The following CCDC146 variants were observed in gnomAD, a reference collection of about 807,000 sequenced individuals.
The protein encoded by CCDC146 is coiled-coil domain-containing protein 146.
A neutral mutation model predicts 119.3 loss-of-function variants in CCDC146; 92 were observed. That is an observed-to-expected ratio of 0.77 (90% CI 0.65 to 0.92). CCDC146 has a LOEUF of 0.92. Among genes scored for constraint, CCDC146 ranks in the 40% least tolerant of loss-of-function variants. The probability of loss-of-function intolerance (pLI) is 0.00; values close to 1 mark genes in which losing one functional copy is unlikely to be tolerated. For synonymous variants in CCDC146, 372 were observed against 371.8 expected, an observed-to-expected ratio of 1.00 and a Z score of -0.01; for missense variants, 1,000 against 1,103.0, an observed-to-expected ratio of 0.91 and a Z score of 1.32.
intron 1 of CCDC146, among the ~76,000 whole-genome samples, chr7:77,159,769 T>A (rs996877144): frequency 1.3e-5 from 2 of 152,236 alleles, no homozygotes; most frequent in African/African-American, 4.8e-5. Flanking sequence ...GGTTCCTTTT[T>A]CTTCACATTC....
At chr7:77,129,767 TCTA>T (rs1790755335) in intron 1 of CCDC146, among the ~76,000 whole-genome samples, 1 of 152,138 alleles carries the variant, frequency 6.6e-6, no homozygotes, top group African/African-American at 2.4e-5. Context: ...CCTAAAAATT[TCTA>T]CTTATTGATA....
At chr7:77,214,718 G>C (rs1029034765) in intron 2 of CCDC146, among the ~76,000 whole-genome samples, 4 of 151,936 alleles carry the variant, frequency 2.6e-5, no homozygotes, top group African/African-American at 9.7e-5. Flanking sequence ...CTTTTTGTCA[G>C]CTTTGTTGGA....
In CCDC146 at chr7:77,278,999, T is replaced by C; in HGVS notation, c.1592T>C (p.Leu531Ser). The change falls in exon 13 of 19, where the codon TTA becomes TCA. Residue 531 changes from leucine (L) to serine (S), a missense_variant. Physicochemically the swap from Leu to Ser is moderately radical, Grantham distance 145. Around this residue, in one of 2 missense-constraint regions of CCDC146, gnomAD observed 985 missense variants for 1,045.3 expected, o/e 0.94. Transcript: ENST00000285871. ...IRNERNKFVNLLHKAHQKVNE... is the reference protein window; with the variant it reads ...IRNERNKFVNSLHKAHQKVNE... ...AATGAAAGAAACAAATTTGTTAACT[T>C]ACTCCACAAAGCTCATCAGAAAGTA... 2 of 1,612,494 alleles carry C rather than the reference T, an allele frequency of 1.2e-6. No homozygotes were observed. The highest frequency in any genetic ancestry group is 1.3e-5 in the African/African-American group (1 of 74,934).
chr7:77,126,821 C>A (rs527977745), intron 1 of CCDC146, among the ~76,000 whole-genome samples: 4 of 152,198 alleles, frequency 2.6e-5, no homozygotes, highest in African/African-American at 9.6e-5. Context: ...CAGCCATGGG[C>A]TGCTGGAAGA....
intron 2 of CCDC146, among the ~76,000 whole-genome samples, chr7:77,235,387 T>G (rs553586059): frequency 6.6e-6 from 1 of 152,250 alleles, no homozygotes; most frequent in Admixed American, 6.5e-5. Flanking sequence ...AGCTGAGACA[T>G]GAAGAAAGAC....
At chr7:77,200,341 T>A (rs1791964029) in intron 2 of CCDC146, among the ~76,000 whole-genome samples, 1 of 152,216 alleles carries the variant, frequency 6.6e-6, no homozygotes, top group African/African-American at 2.4e-5. Context: ...AAGTACAGCT[T>A]TCTGACTATT....
chr7:77,142,168 G>A (rs1350769333), intron 1 of CCDC146, among the ~76,000 whole-genome samples: 1 of 152,122 alleles, frequency 6.6e-6, no homozygotes, highest in African/African-American at 2.4e-5. Context: ...AGACAAGGAT[G>A]CCCTCTCTCA....
Position 77,130,270 on chromosome 7 carries a change from C to G in CCDC146, c.-12+7538C>G, listed in dbSNP as rs556991566. Among the ~76,000 whole-genome samples, 7 of 152,096 alleles carry G rather than the reference C, an allele frequency of 4.6e-5. 1 individual carries two copies. The highest frequency in any genetic ancestry group is 4.6e-4 in the Admixed American group (7 of 15,298). ...GGGTACTATCCACAGTTTGAGGCAT[C>G]CACTGGAGGTCTTATAAACGCATCC... On this transcript the variant is annotated intron_variant, in intron 1 of 18. Transcript: ENST00000285871.
intron 2 of CCDC146, among the ~76,000 whole-genome samples, chr7:77,218,879 T>C (rs1254191075): frequency 6.6e-6 from 1 of 152,028 alleles, no homozygotes; most frequent in Non-Finnish European, 1.5e-5. Context: ...GCCCCAATTT[T>C]TGAGTGTTGC....
intron 17 of CCDC146, among the ~76,000 whole-genome samples, chr7:77,289,114 C>T (rs1793898881): frequency 6.6e-6 from 1 of 152,206 alleles, no homozygotes; most frequent in Non-Finnish European, 1.5e-5. Context: ...TGGACTGATG[C>T]GAAGGCTCAG....
chr7:77,272,028 TCAGA>T (rs1793533769), intron 9 of CCDC146, among the ~76,000 whole-genome samples: 1 of 152,112 alleles, frequency 6.6e-6, no homozygotes, highest in Non-Finnish European at 1.5e-5. Flanking sequence ...TAGCAGAGAA[TCAGA>T]CAGGGACCCA....
chr7:77,218,615 CTT>C (rs569678543), intron 2 of CCDC146, among the ~76,000 whole-genome samples: 8 of 142,504 alleles, frequency 5.6e-5, no homozygotes, highest in Non-Finnish European at 7.7e-5. Flanking sequence ...TACCAATTCT[CTT>C]TTTTTTTTTT....
At chr7:77,287,322 A>G in intron 16 of CCDC146, 118 bp from the exon 17 acceptor site, 1 of 1,105,252 alleles carries the variant, frequency 9.0e-7, no homozygotes, top group East Asian at 2.4e-5. Flanking sequence ...ACCCAGCTCT[A>G]AACACTTTCC....
intron 2 of CCDC146, among the ~76,000 whole-genome samples, chr7:77,192,329 C>G (rs943386536): frequency 6.6e-6 from 1 of 152,128 alleles, no homozygotes; most frequent in Non-Finnish European, 1.5e-5. Context: ...ATTGAAGGAA[C>G]CAAAGAACAT....
chr7:77,267,538 T>G (rs10272252), intron 9 of CCDC146, among the ~76,000 whole-genome samples: 16,536 of 130,192 alleles, frequency 0.13, 1,659 homozygotes, highest in African/African-American at 0.3. Context: ...TTTTTTTTTT[T>G]TAATCACTAT....
chr7:77,246,833 A>C (rs1275875330), intron 4 of CCDC146, among the ~76,000 whole-genome samples: 5 of 152,342 alleles, frequency 3.3e-5, no homozygotes, highest in Admixed American at 6.5e-5. Context: ...TCATTTGTAC[A>C]ACAAAAATCA....
chr7:77,284,505 T>C (rs1793815735), intron 15 of CCDC146, among the ~76,000 whole-genome samples: 1 of 152,070 alleles, frequency 6.6e-6, no homozygotes, highest in Non-Finnish European at 1.5e-5. Context: ...ACTATCAAGA[T>C]GCAGAGCAAC....
At chr7:77,183,418 AC>A (rs746471005) in intron 2 of CCDC146, among the ~76,000 whole-genome samples, 1 of 152,148 alleles carries the variant, frequency 6.6e-6, no homozygotes, top group Non-Finnish European at 1.5e-5. Flanking sequence ...TTGCCTTATT[AC>A]AAGGATTAAG....
Position 77,196,305 on chromosome 7 carries a change from T to G in CCDC146, c.156+28481T>G, listed in dbSNP as rs1439023889. Reference sequence around the variant, plus strand: ...TATGGCTTAAAGTGCTTGGGTCTGATCATCATCTTAGCCTCTTTGAAGGAG... The same window carrying G: ...TATGGCTTAAAGTGCTTGGGTCTGAGCATCATCTTAGCCTCTTTGAAGGAG... On this transcript the variant is annotated intron_variant, in intron 2 of 18. Coordinates refer to ENST00000285871, the MANE Select transcript of CCDC146 (RefSeq NM_020879.3). The surrounding 1 kb of genome is among the most constrained non-coding windows in gnomAD (Gnocchi z 4.2). 22 of 1,613,832 alleles carry G rather than the reference T, an allele frequency of 1.4e-5. No homozygotes were observed. Among genetic ancestry groups the G allele is most frequent in the Non-Finnish European group, 1.8e-5 (21 of 1,179,938 alleles).
Sources: allele counts gnomAD v4.1 joint callset (sites outside exome capture counted in the v4.1 genomes callset), GRCh38; gene constraint gnomAD v4.1.1; regional missense constraint gnomAD v4.1.1; non-coding constraint Gnocchi (gnomAD v3.1); transcripts MANE v1.5; gene names NCBI Gene and HGNC (gene_info 2026-07-23, HGNC 2026-07-21).